FAM13B: variants seen among roughly 807,000 people sequenced by gnomAD.
FAM13B encodes the protein protein FAM13B.
In FAM13B, 60 loss-of-function variants were observed where a neutral mutation model predicts 117.3. The observed-to-expected ratio is 0.51, with a 90% CI of 0.42 to 0.63. The LOEUF is 0.63. Ranked by LOEUF, FAM13B falls within the 30% of genes least tolerant of loss-of-function variation. The probability of loss-of-function intolerance (pLI) is 0.00; values close to 1 mark genes in which losing one functional copy is unlikely to be tolerated. For missense variants in FAM13B, 972 were observed against 1,091.9 expected (o/e 0.89, Z 1.55); for synonymous variants, 332 against 356.1 (o/e 0.93, Z 0.76).
In FAM13B at chr5:137,985,263, A is replaced by G. The variant is rs745748190; in HGVS notation, c.1173T>C (p.Asn391=). ...QQDCVFENEE[N]TQSVGILLEP... ...TATTTTTGACATTCCTTACCTGGGT[A>G]TTTTCTTCATTCTCAAATACACAAT... Residue 391 remains asparagine, a synonymous_variant, in exon 10 of 24, where the codon AAT becomes AAC. Coordinates refer to ENST00000689681, the MANE Select transcript of FAM13B (RefSeq NM_001385994.1). 6.2e-7 allele frequency: 1 copy of G among 1,612,630 alleles called. No individual in the cohort carries two copies. Among genetic ancestry groups the G allele is most frequent in the South Asian group, 1.1e-5 (1 of 90,658 alleles).
chr5:137,941,049 G>A lies in FAM13B; in HGVS notation c.2691-701C>T, dbSNP rs140173861. Reference sequence around the variant, plus strand: ...GCCTCTAGAGTAGCTGGAACTACAGGTGCCCGCCACCACGCCTGCCTAATT... The same window carrying A: ...GCCTCTAGAGTAGCTGGAACTACAGATGCCCGCCACCACGCCTGCCTAATT... On this transcript the variant is annotated intron_variant, in intron 23 of 23. Coordinates refer to ENST00000689681, the MANE Select transcript of FAM13B (RefSeq NM_001385994.1). Among the ~76,000 whole-genome samples, 231 of 152,196 alleles carry A rather than the reference G, an allele frequency of 1.5e-3. 8 individuals are homozygous for A. The East Asian group carries it at 0.039, about 26-fold the overall frequency.
chr5:137,977,980 C>A (rs1215006676), intron 10 of FAM13B, among the ~76,000 whole-genome samples: 1 of 152,176 alleles, frequency 6.6e-6, no homozygotes, highest in African/African-American at 2.4e-5. Flanking sequence ...TGACTATGTG[C>A]CACACACACA....
chr5:138,002,801 G>A (rs902785223), intron 7 of FAM13B, among the ~76,000 whole-genome samples: 1 of 149,968 alleles, frequency 6.7e-6, no homozygotes, highest in African/African-American at 2.5e-5. Context: ...GAGTAGCTGG[G>A]AATACAGGTG....
intron 4 of FAM13B, among the ~76,000 whole-genome samples, chr5:138,015,922 T>A (rs1055650728): frequency 6.6e-6 from 1 of 152,226 alleles, no homozygotes; most frequent in African/African-American, 2.4e-5. Context: ...CTAATGATTA[T>A]CTATGTATAA....
intron 15 of FAM13B, among the ~76,000 whole-genome samples, chr5:137,953,895 G>A (rs999670594): frequency 4.6e-5 from 7 of 152,086 alleles, no homozygotes; most frequent in Non-Finnish European, 7.4e-5. Flanking sequence ...AATACACCAC[G>A]AGAAAATGTC....
upstream of FAM13B, chr5:138,036,953 A>G (rs1321563535): frequency 3.4e-6 from 1 of 294,344 alleles, no homozygotes; most frequent in Non-Finnish European, 6.6e-6. Flanking sequence ...GGAGAAGGTC[A>G]AGGATGCTGG....
At chr5:137,973,062 C>G (rs1484726958) in intron 10 of FAM13B, among the ~76,000 whole-genome samples, 1 of 152,020 alleles carries the variant, frequency 6.6e-6, no homozygotes, top group Non-Finnish European at 1.5e-5. Context: ...CAATGCCATC[C>G]CCATCAAGCT....
rs546115481 is a variant in FAM13B at position 137,953,526 on chromosome 5, T to G, written c.1719-61A>C. On this transcript the variant is annotated intron_variant, in intron 15 of 23. Transcript: ENST00000689681. Reference sequence around the variant, plus strand: ...TCAAGTACCAACACTGTATCTCTTATTGCCCTGACATGGCACTATTAGCAA... The same window carrying G: ...TCAAGTACCAACACTGTATCTCTTAGTGCCCTGACATGGCACTATTAGCAA... The G allele has an allele frequency of 1.5e-4, 239 of 1,553,554 alleles. 4 individuals carry two copies. The highest frequency in any genetic ancestry group is 2.5e-4 in the South Asian group (22 of 87,816).
chr5:137,997,416 C>T (rs1263304372), intron 7 of FAM13B, among the ~76,000 whole-genome samples: 1 of 151,926 alleles, frequency 6.6e-6, no homozygotes, highest in African/African-American at 2.4e-5. Context: ...TTGCGGTGAG[C>T]TGAGATCGTG....
chr5:137,948,835 A>G (rs887627674), intron 18 of FAM13B, 120 bp downstream of exon 18: 1 of 701,890 alleles, frequency 1.4e-6, no homozygotes, highest in Non-Finnish European at 2.4e-6. Flanking sequence ...TGAATCTGCA[A>G]AGATGGGGAG....
intron 15 of FAM13B, 84 bp downstream of exon 15, chr5:137,954,082 A>T: frequency 1.3e-6 from 1 of 740,930 alleles, no homozygotes. Context: ...TCACTATTGA[A>T]GCCCAGGCTG....
intron 2 of FAM13B, among the ~76,000 whole-genome samples, chr5:138,020,600 G>A (rs1433297859): frequency 2.0e-5 from 3 of 151,908 alleles, no homozygotes; most frequent in Non-Finnish European, 4.4e-5. Flanking sequence ...AAGAGTATTT[G>A]TAAAAGAAAG....
chr5:137,974,388 T>C (rs1338379824), intron 10 of FAM13B, among the ~76,000 whole-genome samples: 1 of 142,018 alleles, frequency 7.0e-6, no homozygotes, highest in Non-Finnish European at 1.5e-5. Context: ...ATATTCTCAC[T>C]CATAGGTGGG....
rs370407484 is a variant in FAM13B, at chr5:137,987,630, C to T, written c.891-14G>A. ...CTTTCTAAAATACTACAAAACAACA[C>T]GTTTTAGTAAGAAGCAGTCACTCTA... On this transcript the variant is annotated splice_polypyrimidine_tract_variant and intron_variant, in intron 8 of 23. Coordinates refer to ENST00000689681, the MANE Select transcript of FAM13B (RefSeq NM_001385994.1). The T allele has an allele frequency of 3.7e-5, 59 of 1,602,802 alleles. No individual in the cohort carries two copies. Among genetic ancestry groups the T allele is most frequent in the South Asian group, 9.0e-5 (8 of 88,960 alleles).
chr5:138,035,765 TAATC>T (rs1791096407), upstream of FAM13B, among the ~76,000 whole-genome samples: 2 of 152,204 alleles, frequency 1.3e-5, no homozygotes, highest in Admixed American at 1.3e-4. Context: ...CCGGCTTAAC[TAATC>T]ATAACCAAAT....
intron 1 of FAM13B, among the ~76,000 whole-genome samples, chr5:138,043,521 C>T (rs1791557914): frequency 6.6e-6 from 1 of 150,420 alleles, no homozygotes; most frequent in East Asian, 2.0e-4. Flanking sequence ...CTCACTGCAA[C>T]CTCCACCTCT....
intron 7 of FAM13B, among the ~76,000 whole-genome samples, chr5:137,991,166 C>A (rs1392429152): frequency 3.3e-5 from 5 of 152,146 alleles, no homozygotes; most frequent in Admixed American, 1.3e-4. Flanking sequence ...ATAGCCCCAA[C>A]ATTTAAAGTC....
Position 137,960,210 on chromosome 5 carries a change from C to T in FAM13B, c.1249G>A (p.Glu417Lys). Reference protein sequence around the residue: ...DSEDGCLEREEYLLFDSDKLS... With the variant: ...DSEDGCLEREKYLLFDSDKLS... The stretch of plus-strand genomic sequence containing the variant: ...TTATCACTGTCAAATAACAAATATT[C>T]TTCCCTAAAAATACAAGTAAAGTTG... The change falls in exon 12 of 24, where the codon GAA becomes AAA. Residue 417 changes from glutamate (E) to lysine (K), a missense_variant. By Grantham distance (56) the Glu-to-Lys change is moderately conservative. Coordinates refer to ENST00000689681, the MANE Select transcript of FAM13B (RefSeq NM_001385994.1). 6.6e-7 allele frequency: 1 copy of T among 1,506,590 alleles called. No individual in the cohort carries two copies. The highest frequency in any genetic ancestry group is 2.3e-5 in the East Asian group (1 of 43,496). 93.3% of individuals were successfully genotyped at this position (1,506,590 alleles called of 1,614,324 possible). A position where few individuals can be genotyped will look rare whatever the true frequency, so the allele number is the denominator to read the frequency against.
intron 5 of FAM13B, 148 bp from the exon 6 acceptor site, chr5:138,011,297 T>G: frequency 1.5e-6 from 1 of 685,994 alleles, no homozygotes; most frequent in Non-Finnish European, 2.4e-6. Flanking sequence ...CCTACCTAAT[T>G]TGTACCCTGT....
Sources: gnomAD v4.1 joint callset for allele counts (sites outside exome capture counted in the v4.1 genomes callset) on GRCh38, gnomAD v4.1.1 for gene constraint, MANE v1.5 for transcripts, NCBI Gene and HGNC (gene_info 2026-07-23, HGNC 2026-07-21) for gene names.